Variants in COP1 observed in about 807,000 individuals in gnomAD.
COP1 encodes E3 ubiquitin-protein ligase COP1.
A neutral mutation model predicts 101.3 loss-of-function variants in COP1; 24 were observed. The ratio of observed to expected loss-of-function variants is 0.24; its 90% confidence interval spans 0.17 to 0.33. The LOEUF is 0.33. Ranked by LOEUF, COP1 falls within the 10% of genes least tolerant of loss-of-function variation. The probability of loss-of-function intolerance (pLI) is 1.00; values close to 1 mark genes in which losing one functional copy is unlikely to be tolerated. For missense variants in COP1, 663 were observed against 906.2 expected, an observed-to-expected ratio of 0.73 and a Z score of 3.45; for synonymous variants, 347 against 341.9, an observed-to-expected ratio of 1.01 and a Z score of -0.17.
chr1:176,196,737 C>A (rs988706095), intron 1 of COP1, among the ~76,000 whole-genome samples: 7 of 152,044 alleles, frequency 4.6e-5, no homozygotes, highest in Non-Finnish European at 1.5e-5. Context: ...CATTCCATAT[C>A]GTCTTTTAGA....
intron 18 of COP1, among the ~76,000 whole-genome samples, chr1:175,976,267 A>ATTTTTTTTTTT (rs1225101059): frequency 6.7e-4 from 28 of 41,732 alleles, no homozygotes; most frequent in East Asian, 2.3e-3. Context: ...TCAATTAGTC[A>ATTTTTTTTTTT]TTCTTTTTTT....
At chr1:175,959,641 C>A (rs1200527096) in intron 18 of COP1, among the ~76,000 whole-genome samples, 3 of 151,964 alleles carry the variant, frequency 2.0e-5, no homozygotes, top group Admixed American at 2.0e-4. Flanking sequence ...AATAATGGAT[C>A]CCTTAAGGAC....
At chr1:176,201,012 A>C (rs1472796137) in intron 1 of COP1, among the ~76,000 whole-genome samples, 1 of 152,200 alleles carries the variant, frequency 6.6e-6, no homozygotes, top group Non-Finnish European at 1.5e-5. Context: ...TATTTGGTAT[A>C]CAGGTTGAAT....
At chr1:176,189,921 G>C (rs1698935039) in intron 1 of COP1, among the ~76,000 whole-genome samples, 1 of 151,392 alleles carries the variant, frequency 6.6e-6, no homozygotes, top group African/African-American at 2.4e-5. Flanking sequence ...TCTGAAGAAA[G>C]AATTATTTTA....
At chr1:176,036,251 C>G (rs1212632545) in intron 14 of COP1, among the ~76,000 whole-genome samples, 1 of 151,466 alleles carries the variant, frequency 6.6e-6, no homozygotes. Context: ...CTTCAAAAAA[C>G]TAGAAAGGGG....
intron 15 of COP1, among the ~76,000 whole-genome samples, chr1:175,997,480 A>C (rs1391276363): frequency 1.3e-5 from 2 of 152,114 alleles, no homozygotes; most frequent in Non-Finnish European, 2.9e-5. Context: ...AATGGGAGAA[A>C]ATTTTCACAA....
At chr1:176,022,743 A>AG (rs34190536) in intron 15 of COP1, among the ~76,000 whole-genome samples, 41,029 of 151,988 alleles carry the variant, frequency 0.27, 6,600 homozygotes, top group East Asian at 0.49. Context: ...CTTCAGACCG[A>AG]GGAAAATTAG....
intron 18 of COP1, among the ~76,000 whole-genome samples, chr1:175,965,799 G>C (rs1651949642): frequency 6.6e-6 from 1 of 151,960 alleles, no homozygotes; most frequent in African/African-American, 2.4e-5. Flanking sequence ...GGTCAGGCTG[G>C]TCTCGAACTC....
intron 8 of COP1, among the ~76,000 whole-genome samples, chr1:176,125,160 C>T (rs962296684): frequency 6.6e-6 from 1 of 152,000 alleles, no homozygotes; most frequent in Non-Finnish European, 1.5e-5. Context: ...TTATTAATCC[C>T]TTGTCAGATG....
chr1:175,990,597 G>C (rs979178312), intron 15 of COP1, among the ~76,000 whole-genome samples: 1 of 152,098 alleles, frequency 6.6e-6, no homozygotes, highest in Non-Finnish European at 1.5e-5. Context: ...AACAACTTCA[G>C]TCAAAATATC....
intron 9 of COP1, chr1:176,100,243 AC>A: frequency 4.0e-6 from 1 of 247,472 alleles, no homozygotes. Flanking sequence ...TACAAAACTT[AC>A]CAGGTGTGGA....
chr1:175,964,164 C>T (rs532075698), intron 18 of COP1, among the ~76,000 whole-genome samples: 4 of 152,144 alleles, frequency 2.6e-5, no homozygotes, highest in African/African-American at 9.7e-5. Context: ...CAAAGTCTTA[C>T]AGCTAATACT....
chr1:176,120,116 A>G (rs1686865650), intron 8 of COP1, among the ~76,000 whole-genome samples: 2 of 152,200 alleles, frequency 1.3e-5, no homozygotes, highest in African/African-American at 2.4e-5. Flanking sequence ...ACCTATAAAT[A>G]TAAGACAGAA....
chr1:176,076,591 C>T (rs1325374247), intron 11 of COP1, among the ~76,000 whole-genome samples: 1 of 151,884 alleles, frequency 6.6e-6, no homozygotes, highest in Middle Eastern at 3.2e-3. Context: ...AATCTAATCC[C>T]AAAGCTAGTA....
intron 11 of COP1, among the ~76,000 whole-genome samples, chr1:176,049,571 G>GT (rs1402071602): frequency 2.0e-5 from 3 of 151,602 alleles, no homozygotes; most frequent in African/African-American, 4.8e-5. Flanking sequence ...AGACAAACAG[G>GT]TCCCCCCCCT....
Position 176,162,925 on chromosome 1 carries a change from C to G in COP1, c.706G>C (p.Ala236Pro). 1 of 1,608,114 alleles carries G rather than the reference C, an allele frequency of 6.2e-7. No individual in the cohort carries two copies. The highest frequency in any genetic ancestry group is 8.5e-7 in the Non-Finnish European group (1 of 1,177,182). Residue 236 changes from alanine to proline, a missense_variant, in exon 5 of 20, where the codon GCC becomes CCC. Ala to Pro is a conservative substitution (Grantham distance 27, BLOSUM62 -1). Around this residue, in one of 4 missense-constraint regions of COP1, gnomAD observed 212 missense variants for 240.7 expected, o/e 0.88. Transcript: ENST00000367669. ...LGTDQDNLDL[A>P]NVNLMLELLV... The stretch of plus-strand genomic sequence containing the variant: ...AACTCCAACATAAGATTGACATTGG[C>G]CAAATCAAGGTTATCTTGGTCAGTT...
intron 15 of COP1, among the ~76,000 whole-genome samples, chr1:175,991,221 A>G (rs1397074301): frequency 1.3e-5 from 2 of 152,196 alleles, no homozygotes; most frequent in Non-Finnish European, 2.9e-5. Flanking sequence ...CCTAGATGGT[A>G]TAGACTACTA....
chr1:176,014,132 T>C (rs1665178222), intron 15 of COP1, among the ~76,000 whole-genome samples: 1 of 152,188 alleles, frequency 6.6e-6, no homozygotes, highest in African/African-American at 2.4e-5. Flanking sequence ...ATGCAGAATT[T>C]GATTTGAGGT....
chr1:176,104,359 T>TA (rs1324646702), intron 9 of COP1, among the ~76,000 whole-genome samples: 2 of 151,920 alleles, frequency 1.3e-5, no homozygotes, highest in East Asian at 1.9e-4. Flanking sequence ...TTTTGAATGG[T>TA]AAAAAAATAA....
Sources: gnomAD v4.1 joint callset for allele counts (sites outside exome capture counted in the v4.1 genomes callset) on GRCh38, gnomAD v4.1.1 for gene constraint, gnomAD v4.1.1 regional missense constraint, MANE v1.5 for transcripts, NCBI Gene and HGNC (gene_info 2026-07-23, HGNC 2026-07-21) for gene names.